The following RASA3 variants were observed in gnomAD, a reference collection of about 807,000 sequenced individuals.
The protein encoded by RASA3 is RAS p21 protein activator 3, also known as ras GTPase-activating protein 3.
Under a neutral mutation model 110.0 loss-of-function variants are expected in RASA3, and 73 were observed. That is an observed-to-expected ratio of 0.66 (90% CI 0.55 to 0.81). RASA3 has a LOEUF of 0.81. RASA3 is among the 30% of genes least tolerant of loss of function. The pLI is 0.00. For synonymous variants in RASA3, 500 were observed against 451.4 expected (o/e 1.11, Z -1.37); for missense variants, 976 against 1,113.2 (o/e 0.88, Z 1.75).
At chr13:113,992,038 C>T (rs577751108) in intron 22 of RASA3, among the ~76,000 whole-genome samples, 3 of 150,914 alleles carry the variant, frequency 2.0e-5, no homozygotes, top group East Asian at 3.9e-4. Context: ...CACACTCATA[C>T]ATGTCATGTC....
At chr13:114,049,793 C>T (rs1009165689) in intron 3 of RASA3, among the ~76,000 whole-genome samples, 7 of 152,244 alleles carry the variant, frequency 4.6e-5, no homozygotes, top group African/African-American at 1.4e-4. Flanking sequence ...AACACAGGAG[C>T]GAGACACAGG....
intron 3 of RASA3, among the ~76,000 whole-genome samples, chr13:114,049,174 G>A (rs572509695): frequency 1.1e-4 from 17 of 152,190 alleles, no homozygotes; most frequent in African/African-American, 3.6e-4. Context: ...GGGCGTGGGC[G>A]GCTGCTAGAA....
intron 3 of RASA3, among the ~76,000 whole-genome samples, chr13:114,041,973 C>T (rs2054418992): frequency 6.6e-6 from 1 of 152,216 alleles, no homozygotes; most frequent in South Asian, 2.1e-4. Context: ...CTGGGAACGT[C>T]CACTCTAAAC....
chr13:114,040,861 A>C (rs1383280493), intron 4 of RASA3, 139 bp downstream of exon 4: 1 of 793,112 alleles, frequency 1.3e-6, no homozygotes, highest in Non-Finnish European at 2.1e-6. Context: ...AAGTGGGCGA[A>C]CACGCAATCT....
intron 18 of RASA3, among the ~76,000 whole-genome samples, chr13:114,001,716 C>T (rs559950996): frequency 3.3e-5 from 5 of 152,162 alleles, no homozygotes; most frequent in African/African-American, 7.2e-5. Context: ...GACCTGCGGC[C>T]GCGGGCTCGG....
At chr13:114,042,591 G>C (rs1157611567) in intron 3 of RASA3, among the ~76,000 whole-genome samples, 3 of 152,270 alleles carry the variant, frequency 2.0e-5, no homozygotes, top group Non-Finnish European at 4.4e-5. Flanking sequence ...AGCACATTGT[G>C]CATGACCTGG....
intron 1 of RASA3, among the ~76,000 whole-genome samples, chr13:114,108,259 ATCCGTCACCCCGTGTCTGTCATCCCCG>A (rs74203073): frequency 0.54 from 63,992 of 118,014 alleles, 16,689 homozygotes; most frequent in East Asian, 0.74. Flanking sequence ...GTCACCCTGC[ATCCGTCACCCCGTGTCTGTCATCCCCG>A]TCCGTCACCC....
intron 23 of RASA3, 45 bp downstream of exon 23, chr13:113,981,630 C>T: frequency 6.3e-7 from 1 of 1,598,146 alleles, no homozygotes; most frequent in Non-Finnish European, 8.5e-7. Flanking sequence ...CAATCTCCCG[C>T]CCACTACACT....
At chr13:114,066,138 CAT>C (rs2079445599) in intron 2 of RASA3, among the ~76,000 whole-genome samples, 1 of 152,184 alleles carries the variant, frequency 6.6e-6, no homozygotes, top group Admixed American at 6.5e-5. Flanking sequence ...CTCTCCTGCA[CAT>C]GAGGCTCTTT....
At chr13:114,004,075 AAT>A (rs1250022984) in intron 18 of RASA3, among the ~76,000 whole-genome samples, 1 of 152,258 alleles carries the variant, frequency 6.6e-6, no homozygotes, top group Non-Finnish European at 1.5e-5. Flanking sequence ...GTTATTGGTT[AAT>A]ATATGATTAA....
chr13:114,097,569 A>G lies in RASA3; in HGVS notation c.56-23732T>C, dbSNP rs143110547. On this transcript the variant is annotated intron_variant, in intron 1 of 23. Transcript: ENST00000334062. ...CCAGAAGTGTCTTCCTGAAGCATCT[A>G]AACGCCCTCTGAGTTCCTTCTCCCA... is the stretch of plus-strand genomic sequence containing the variant. Among the ~76,000 whole-genome samples the G allele has an allele frequency of 9.3e-4, 141 of 152,364 alleles. 1 individual carries two copies. The highest frequency in any genetic ancestry group is 2.5e-3 in the Admixed American group (39 of 15,308).
chr13:114,043,763 T>G (rs796370904), intron 3 of RASA3, among the ~76,000 whole-genome samples: 22 of 151,776 alleles, frequency 1.4e-4, no homozygotes, highest in African/African-American at 5.3e-4. Flanking sequence ...CTCCCTCCAA[T>G]GGCCTCTAAT....
chr13:114,038,676 G>A (rs1179981652), intron 4 of RASA3, among the ~76,000 whole-genome samples: 1 of 152,078 alleles, frequency 6.6e-6, no homozygotes, highest in Admixed American at 6.5e-5. Context: ...ACCCAGTGAA[G>A]CGCAGAGGAT....
intron 3 of RASA3, among the ~76,000 whole-genome samples, chr13:114,043,499 T>C (rs2078972577): frequency 1.3e-5 from 2 of 152,072 alleles, no homozygotes; most frequent in Non-Finnish European, 2.9e-5. Context: ...GTTCCACAGC[T>C]ACCCGGACGT....
chr13:114,011,228 C>G lies in RASA3; in HGVS notation c.1533G>C (p.Thr511=). 1 of 1,612,672 alleles carries G rather than the reference C, an allele frequency of 6.2e-7. No individual in the cohort carries two copies. Among genetic ancestry groups the G allele is most frequent in the Non-Finnish European group, 8.5e-7 (1 of 1,179,644 alleles). The part of the protein sequence containing the change: ...PHHTDPQTSR[T]LTLISKTVQT... ...GAACGGTCTTGGAGATCAATGTCAG[C>G]GTCCTGGACGTCTGGGGGTCCTGGG... The change falls in exon 16 of 24, where the codon ACG becomes ACC. Residue 511 remains threonine (T), a synonymous_variant. Coordinates refer to ENST00000334062, the MANE Select transcript of RASA3 (RefSeq NM_007368.4). This position sits in a 1 kb window ranked among gnomAD's most constrained non-coding sequence, Gnocchi z 4.8.
rs990305388 is a variant in RASA3, at chr13:114,041,183, G to A, written c.278-89C>T. 11 of 1,115,598 alleles carry A rather than the reference G, an allele frequency of 9.9e-6. No individual in the cohort carries two copies. The Admixed American group carries it at 1.8e-4, about 18-fold the overall frequency. 69.1% of individuals were successfully genotyped at this position (1,115,598 alleles called of 1,614,324 possible). A position where few individuals can be genotyped will look rare whatever the true frequency, so the allele number is the denominator to read the frequency against. On this transcript the variant is annotated intron_variant, in intron 3 of 23. Transcript: ENST00000334062. ...CAGAAGCCAGCCCATCATCACCGCAGCTTATTTCCAACAGTTTAATTCAGA... is the reference window on the plus strand; with the variant it reads ...CAGAAGCCAGCCCATCATCACCGCAACTTATTTCCAACAGTTTAATTCAGA...
chr13:114,033,267 TCCATGGCACCCCCACACTGACAACACGCC>T (rs2139413576), intron 4 of RASA3, among the ~76,000 whole-genome samples: 1 of 58,528 alleles, frequency 1.7e-5, no homozygotes, highest in African/African-American at 6.7e-5. Context: ...GACACCACGT[TCCATGGCACCCCCACACTGACAACACGCC>T]CCACGGCACC....
chr13:114,076,315 C>T (rs1369401339), intron 1 of RASA3, among the ~76,000 whole-genome samples: 1 of 152,222 alleles, frequency 6.6e-6, no homozygotes, highest in Non-Finnish European at 1.5e-5. Context: ...AGGCACTGGA[C>T]CCTCAGAACA....
chr13:114,101,001 G>C (rs910978823), intron 1 of RASA3, among the ~76,000 whole-genome samples: 2 of 152,222 alleles, frequency 1.3e-5, no homozygotes, highest in Non-Finnish European at 2.9e-5. Flanking sequence ...CCGCAGGTGA[G>C]GGGGTGAGCG....
Sources: allele counts gnomAD v4.1 joint callset (sites outside exome capture counted in the v4.1 genomes callset), GRCh38; gene constraint gnomAD v4.1.1; non-coding constraint Gnocchi (gnomAD v3.1); transcripts MANE v1.5; gene names NCBI Gene and HGNC (gene_info 2026-07-23, HGNC 2026-07-21).